Variants in ITPR2 observed in about 807,000 individuals in gnomAD.
ITPR2 encodes the protein inositol 1,4,5-trisphosphate-gated calcium channel ITPR2.
ITPR2 carries 207 observed loss-of-function variants against 317.1 expected under a neutral mutation model. That is an observed-to-expected ratio of 0.65 (90% CI 0.58 to 0.73). ITPR2 has a LOEUF of 0.73. ITPR2 is among the 30% of genes least tolerant of loss of function. ITPR2 has a pLI of 0.00. For missense variants in ITPR2, 2,613 were observed against 3,284.0 expected (o/e 0.80, Z 4.99); for synonymous variants, 1,156 against 1,149.1 (o/e 1.01, Z -0.12).
chr12:26,554,043 C>T (rs982435806), intron 36 of ITPR2, among the ~76,000 whole-genome samples: 9 of 152,192 alleles, frequency 5.9e-5, no homozygotes, highest in African/African-American at 2.2e-4. Context: ...CCTATTATCA[C>T]ATCACTTCTG....
intron 25 of ITPR2, 132 bp from the exon 26 acceptor site, chr12:26,621,428 T>C (rs1235885257): frequency 1.4e-5 from 7 of 488,228 alleles, no homozygotes; most frequent in Non-Finnish European, 2.3e-5. Flanking sequence ...TTTTCACACA[T>C]TATAATTTTT....
intron 45 of ITPR2, among the ~76,000 whole-genome samples, chr12:26,456,798 G>A (rs980637889): frequency 6.6e-6 from 1 of 152,048 alleles, no homozygotes; most frequent in East Asian, 1.9e-4. Flanking sequence ...TCAGCCTCTC[G>A]AGTAGCTGGG....
At chr12:26,416,685 T>G (rs1242444615) in intron 50 of ITPR2, among the ~76,000 whole-genome samples, 5 of 152,224 alleles carry the variant, frequency 3.3e-5, no homozygotes, top group Non-Finnish European at 7.3e-5. Flanking sequence ...TCTATTTACC[T>G]CCTGGAAGGA....
chr12:26,366,308 C>T (rs1939007714), intron 55 of ITPR2, among the ~76,000 whole-genome samples: 1 of 152,080 alleles, frequency 6.6e-6, no homozygotes, highest in Non-Finnish European at 1.5e-5. Context: ...TGCAACTGTT[C>T]TTTTACAAAA....
chr12:26,639,126 C>G (rs1336171899), intron 21 of ITPR2, among the ~76,000 whole-genome samples: 2 of 152,068 alleles, frequency 1.3e-5, no homozygotes, highest in African/African-American at 4.8e-5. Context: ...TAGGACTATA[C>G]AGAGAGGAGG....
chr12:26,565,484 T>TGATA (rs75320702), intron 34 of ITPR2, among the ~76,000 whole-genome samples: 14,690 of 138,684 alleles, frequency 0.11, 906 homozygotes, highest in African/African-American at 0.18. Context: ...GATAGACAGA[T>TGATA]GATAGATAGA....
chr12:26,781,262 C>T (rs1163460885), intron 2 of ITPR2, among the ~76,000 whole-genome samples: 2 of 152,220 alleles, frequency 1.3e-5, no homozygotes, highest in African/African-American at 4.8e-5. Flanking sequence ...AGAAGGTAGT[C>T]ATTAGTACCA....
intron 1 of ITPR2, among the ~76,000 whole-genome samples, chr12:26,807,344 G>T (rs1027207678): frequency 2.0e-5 from 3 of 152,290 alleles, no homozygotes; most frequent in East Asian, 3.8e-4. Context: ...ACATAGGAAA[G>T]GATTTCAACA....
intron 21 of ITPR2, among the ~76,000 whole-genome samples, chr12:26,640,242 G>A (rs1946954340): frequency 6.6e-6 from 1 of 152,002 alleles, no homozygotes; most frequent in African/African-American, 2.4e-5. Context: ...CATTCTTAGG[G>A]ATTGATCCTG....
At chr12:26,361,422 C>T (rs909397584) in intron 55 of ITPR2, among the ~76,000 whole-genome samples, 5 of 152,014 alleles carry the variant, frequency 3.3e-5, no homozygotes, top group African/African-American at 9.7e-5. Flanking sequence ...CTTTGTTCAC[C>T]CTCCACCCCA....
intron 37 of ITPR2, among the ~76,000 whole-genome samples, chr12:26,510,010 G>C (rs557429507): frequency 1.4e-5 from 2 of 147,576 alleles, no homozygotes; most frequent in Non-Finnish European, 3.0e-5. Context: ...GTGTGGTGGG[G>C]GGTGGGGGTG....
chr12:26,773,756 A>C (rs146311047), intron 2 of ITPR2, among the ~76,000 whole-genome samples: 1 of 152,080 alleles, frequency 6.6e-6, no homozygotes, highest in Admixed American at 6.6e-5. Context: ...GCACTTTTAC[A>C]ATCCTGACTA....
intron 21 of ITPR2, among the ~76,000 whole-genome samples, chr12:26,644,414 A>G (rs1350150217): frequency 6.6e-6 from 1 of 152,136 alleles, no homozygotes; most frequent in Non-Finnish European, 1.5e-5. Context: ...CTCTCACCAG[A>G]CACTGAATCT....
At chr12:26,613,998 G>A (rs1461423419) in intron 26 of ITPR2, among the ~76,000 whole-genome samples, 1 of 152,140 alleles carries the variant, frequency 6.6e-6, no homozygotes, top group Non-Finnish European at 1.5e-5. Flanking sequence ...TCCAAAGCAT[G>A]TGGGTTCATG....
At chr12:26,515,111 A>T (rs1436896127) in intron 37 of ITPR2, among the ~76,000 whole-genome samples, 1 of 152,208 alleles carries the variant, frequency 6.6e-6, no homozygotes, top group Non-Finnish European at 1.5e-5. Flanking sequence ...CTCAGATTGA[A>T]CCAGTTTACT....
At chr12:26,664,373 C>T (rs1947572018) in intron 14 of ITPR2, among the ~76,000 whole-genome samples, 1 of 152,128 alleles carries the variant, frequency 6.6e-6, no homozygotes, top group South Asian at 2.1e-4. Context: ...AATCGATGAA[C>T]ATATCAGCAT....
intron 37 of ITPR2, among the ~76,000 whole-genome samples, chr12:26,541,662 T>C (rs982795224): frequency 6.6e-6 from 1 of 152,214 alleles, no homozygotes; most frequent in Non-Finnish European, 1.5e-5. Context: ...TACAGATTGA[T>C]ACAATAAGAG....
chr12:26,347,997 C>T (rs12308336), intron 55 of ITPR2, among the ~76,000 whole-genome samples: 6,472 of 152,314 alleles, frequency 0.042, 426 homozygotes, highest in African/African-American at 0.15. Flanking sequence ...TTAGAATGTG[C>T]TATCACAAGA....
intron 26 of ITPR2, among the ~76,000 whole-genome samples, chr12:26,619,158 T>C (rs538636712): frequency 3.9e-5 from 6 of 152,204 alleles, no homozygotes; most frequent in Admixed American, 1.3e-4. Flanking sequence ...TATTTAGAGA[T>C]AGAGAACACA....
Sources: allele counts gnomAD v4.1 joint callset (sites outside exome capture counted in the v4.1 genomes callset), GRCh38; gene constraint gnomAD v4.1.1; transcripts MANE v1.5; gene names NCBI Gene and HGNC (gene_info 2026-07-23, HGNC 2026-07-21).